CHCHD6: variants seen among roughly 807,000 people sequenced by gnomAD.
CHCHD6 encodes the protein MICOS complex subunit MIC25.
CHCHD6 carries 28 observed loss-of-function variants against 32.3 expected under a neutral mutation model. The ratio of observed to expected loss-of-function variants is 0.87; its 90% CI spans 0.64 to 1.19. CHCHD6 has a LOEUF of 1.19. Ranked by LOEUF, CHCHD6 falls within the 50% of genes most tolerant of loss-of-function variation. CHCHD6 has a pLI of 0.00. For missense variants in CHCHD6, 333 were observed against 307.0 expected, an observed-to-expected ratio of 1.08 and a Z score of -0.63; for synonymous variants, 122 against 117.5, an observed-to-expected ratio of 1.04 and a Z score of -0.25.
At chr3:126,944,547 A>G (rs1054562293) in intron 6 of CHCHD6, among the ~76,000 whole-genome samples, 3 of 152,240 alleles carry the variant, frequency 2.0e-5, no homozygotes, top group South Asian at 4.1e-4. Flanking sequence ...CAGATGGTCT[A>G]TGTCACAGGA....
At position 126,916,899 on chromosome 3, in the gene CHCHD6, C is replaced by T. The variant is rs112018994; in HGVS notation, c.566+2149C>T. The stretch of plus-strand genomic sequence containing the variant: ...TTCTTCCAAGGCCAATGGCCCCTCC[C>T]TTTCTACCTGGAGCCAGGACCCACC... On this transcript the variant is annotated intron_variant, in intron 6 of 7. Coordinates refer to ENST00000290913, the MANE Select transcript of CHCHD6 (RefSeq NM_032343.3). Among the ~76,000 whole-genome samples, 519 of 152,364 alleles carry T rather than the reference C, an allele frequency of 3.4e-3. 3 individuals are homozygous for T. Among genetic ancestry groups the T allele is most frequent in the African/African-American group, 0.012 (498 of 41,594 alleles).
At chr3:126,952,669 G>A (rs1338049050) in intron 6 of CHCHD6, among the ~76,000 whole-genome samples, 2 of 152,232 alleles carry the variant, frequency 1.3e-5, no homozygotes, top group East Asian at 1.9e-4. Context: ...GGCCTGGGAC[G>A]GAGATGGAGG....
chr3:126,805,879 G>T (rs944239194), intron 4 of CHCHD6, among the ~76,000 whole-genome samples: 7 of 152,254 alleles, frequency 4.6e-5, no homozygotes, highest in African/African-American at 1.7e-4. Context: ...ACAGAACAGA[G>T]CCCTCAGAAA....
intron 4 of CHCHD6, among the ~76,000 whole-genome samples, chr3:126,748,103 C>A (rs139791518): frequency 1.8e-3 from 276 of 152,202 alleles, no homozygotes; most frequent in African/African-American, 6.4e-3. Context: ...CTAGCTCCTC[C>A]CCTCCTCTTA....
intron 5 of CHCHD6, among the ~76,000 whole-genome samples, chr3:126,861,569 C>T (rs1023319823): frequency 1.5e-4 from 23 of 151,618 alleles, no homozygotes; most frequent in African/African-American, 5.3e-4. Flanking sequence ...ACCACCACCT[C>T]ATCCTCCTCA....
At chr3:126,945,434 G>C (rs1050202395) in intron 6 of CHCHD6, among the ~76,000 whole-genome samples, 2 of 151,636 alleles carry the variant, frequency 1.3e-5, no homozygotes, top group Non-Finnish European at 2.9e-5. Flanking sequence ...GACTTGGGTT[G>C]GGAAGACTCG....
chr3:126,793,859 T>A (rs908574398), intron 4 of CHCHD6, among the ~76,000 whole-genome samples: 3 of 152,196 alleles, frequency 2.0e-5, no homozygotes, highest in Non-Finnish European at 4.4e-5. Flanking sequence ...CTGAAAGATA[T>A]TTTTACCAGA....
At chr3:126,853,419 C>G (rs1941547395) in intron 5 of CHCHD6, among the ~76,000 whole-genome samples, 1 of 152,088 alleles carries the variant, frequency 6.6e-6, no homozygotes, top group Non-Finnish European at 1.5e-5. Flanking sequence ...CCCCTCATGC[C>G]TGAGACAGCA....
At chr3:126,819,034 C>T (rs943078859) in intron 4 of CHCHD6, among the ~76,000 whole-genome samples, 7 of 152,198 alleles carry the variant, frequency 4.6e-5, no homozygotes, top group Non-Finnish European at 1.0e-4. Flanking sequence ...ATAGGGGCCT[C>T]CGCTTCCACT....
At chr3:126,749,635 G>A (rs1936645650) in intron 4 of CHCHD6, among the ~76,000 whole-genome samples, 1 of 152,154 alleles carries the variant, frequency 6.6e-6, no homozygotes, top group South Asian at 2.1e-4. Context: ...AAGACTGGTG[G>A]GAGCTCTGCC....
intron 6 of CHCHD6, among the ~76,000 whole-genome samples, chr3:126,921,161 G>A (rs970916407): frequency 7.9e-5 from 12 of 152,146 alleles, no homozygotes; most frequent in Non-Finnish European, 1.6e-4. Flanking sequence ...TTGAAGGCAC[G>A]GGTGACTCTC....
chr3:126,790,182 CT>C (rs1325874784), intron 4 of CHCHD6, among the ~76,000 whole-genome samples: 7 of 152,110 alleles, frequency 4.6e-5, no homozygotes, highest in Non-Finnish European at 7.3e-5. Flanking sequence ...AGAGTTTCTG[CT>C]GAGAGATCAG....
chr3:126,787,692 C>T (rs1280894382), intron 4 of CHCHD6, among the ~76,000 whole-genome samples: 5 of 152,182 alleles, frequency 3.3e-5, no homozygotes, highest in Non-Finnish European at 5.9e-5. Flanking sequence ...TGAGACTTTG[C>T]TGAAGTTGCT....
chr3:126,957,453 G>T lies in CHCHD6; in HGVS notation c.604G>T (p.Ala202Ser), dbSNP rs956396744. 3.7e-6 allele frequency: 6 copies of T among 1,611,148 alleles called. No homozygotes were observed. The highest frequency in any genetic ancestry group is 5.1e-6 in the Non-Finnish European group (6 of 1,179,106). The change falls in exon 7 of 8, where the codon GCC becomes TCC. Residue 202 changes from alanine (A) to serine (S), a missense_variant. Coordinates refer to ENST00000290913, the MANE Select transcript of CHCHD6 (RefSeq NM_032343.3). ...RVEPVCSGLQ[A>S]QILHCYRDRP... is the part of the protein sequence containing the mutation. ...GGAGCCCGTCTGCTCAGGGTTGCAG[G>T]CCCAGATTCTCCACTGCTACCGAGA...
At chr3:126,837,473 G>T (rs1186372847) in intron 4 of CHCHD6, among the ~76,000 whole-genome samples, 1 of 152,194 alleles carries the variant, frequency 6.6e-6, no homozygotes, top group Non-Finnish European at 1.5e-5. Context: ...TGGGAGGATG[G>T]CTTGTGCCCA....
chr3:126,909,999 G>T (rs2078063569), intron 5 of CHCHD6, among the ~76,000 whole-genome samples: 1 of 152,176 alleles, frequency 6.6e-6, no homozygotes, highest in Non-Finnish European at 1.5e-5. Context: ...CAAATCAGCT[G>T]GGCACAGTAA....
intron 6 of CHCHD6, among the ~76,000 whole-genome samples, chr3:126,920,517 G>A (rs749966865): frequency 3.9e-5 from 6 of 152,060 alleles, no homozygotes; most frequent in Non-Finnish European, 7.4e-5. Context: ...TCGGCTCTGC[G>A]AGACTTCTGA....
chr3:126,928,870 C>T (rs891175537), intron 6 of CHCHD6, among the ~76,000 whole-genome samples: 5 of 152,166 alleles, frequency 3.3e-5, no homozygotes, highest in South Asian at 2.1e-4. Context: ...CAGTTAGATA[C>T]AGGTTGGGGT....
chr3:126,758,481 C>T (rs1937048945), intron 4 of CHCHD6, among the ~76,000 whole-genome samples: 1 of 152,222 alleles, frequency 6.6e-6, no homozygotes, highest in Non-Finnish European at 1.5e-5. Context: ...AGGATGATTG[C>T]TTTCTTCTTG....
Sources: allele counts gnomAD v4.1 joint callset (sites outside exome capture counted in the v4.1 genomes callset), GRCh38; gene constraint gnomAD v4.1.1; transcripts MANE v1.5; gene names NCBI Gene and HGNC (gene_info 2026-07-23, HGNC 2026-07-21).